CCDC12: variants seen among roughly 807,000 people sequenced by gnomAD.
The protein encoded by CCDC12 is coiled-coil domain containing 12.
In CCDC12, 28 loss-of-function variants were observed where a neutral mutation model predicts 25.7. The ratio of observed to expected loss-of-function variants is 1.09; its 90% CI spans 0.81 to 1.50. The LOEUF (loss-of-function observed/expected upper bound fraction) is 1.50, where lower values mean the gene tolerates loss of function less well. Among genes scored for constraint, CCDC12 ranks in the 40% most tolerant of loss-of-function variants. The pLI, the probability that CCDC12 is intolerant of heterozygous loss-of-function variation, is 0.00. For synonymous variants in CCDC12, 75 were observed against 87.7 expected, an observed-to-expected ratio of 0.86 and a Z score of 0.81; for missense variants, 198 against 210.0, an observed-to-expected ratio of 0.94 and a Z score of 0.35.
At chr3:46,928,248 A>T (rs779349761) in intron 2 of CCDC12, among the ~76,000 whole-genome samples, 1 of 152,168 alleles carries the variant, frequency 6.6e-6, no homozygotes, top group Non-Finnish European at 1.5e-5. Context: ...CTCAAAAAAA[A>T]AAAATGTATA....
At chr3:46,923,081 C>G (rs2032756789) in intron 5 of CCDC12, 1 of 381,604 alleles carries the variant, frequency 2.6e-6, no homozygotes, top group African/African-American at 2.1e-5. Context: ...GGGCTCTCAA[C>G]CTCTCAGGAG....
At chr3:46,930,042 A>AG (rs2107114041) in intron 2 of CCDC12, among the ~76,000 whole-genome samples, 1 of 150,368 alleles carries the variant, frequency 6.7e-6, no homozygotes, top group African/African-American at 2.4e-5. Context: ...AAAAAAAAAA[A>AG]AAAAAAAAAA....
At chr3:46,968,548 T>C (rs989388222) in intron 1 of CCDC12, among the ~76,000 whole-genome samples, 5 of 152,234 alleles carry the variant, frequency 3.3e-5, no homozygotes, top group African/African-American at 1.2e-4. Context: ...TCAGAAGCTG[T>C]ATCTCGATTT....
chr3:46,952,316 G>A (rs1416561064), intron 1 of CCDC12, among the ~76,000 whole-genome samples: 2 of 152,154 alleles, frequency 1.3e-5, no homozygotes, highest in East Asian at 1.9e-4. Flanking sequence ...TAGCCTTGTT[G>A]CACAGATGCA....
intron 2 of CCDC12, among the ~76,000 whole-genome samples, chr3:46,934,796 C>T (rs2033377834): frequency 6.6e-6 from 1 of 152,252 alleles, no homozygotes; most frequent in Non-Finnish European, 1.5e-5. Context: ...GAGATCTCCA[C>T]TGCCCATGAC....
At chr3:46,955,905 C>T (rs2107170854) in intron 1 of CCDC12, among the ~76,000 whole-genome samples, 2 of 152,364 alleles carry the variant, frequency 1.3e-5, no homozygotes, top group South Asian at 4.1e-4. Flanking sequence ...ACACTTCACT[C>T]TTGTGCACAC....
intron 1 of CCDC12, among the ~76,000 whole-genome samples, chr3:46,950,327 T>C (rs764714087): frequency 2.6e-5 from 4 of 151,934 alleles, no homozygotes; most frequent in Admixed American, 6.6e-5. Flanking sequence ...TTTTTTGAGA[T>C]AGGGTCTCGC....
intron 1 of CCDC12, 39 bp downstream of exon 1, chr3:46,976,598 T>C: frequency 6.3e-7 from 1 of 1,589,816 alleles, no homozygotes; most frequent in Non-Finnish European, 8.6e-7. Context: ...CCCCGAACGC[T>C]GGACGCCTCA....
At chr3:46,979,331 CATG>C (rs1478977711), upstream of CCDC12, 1 of 152,384 alleles carries the variant, frequency 6.6e-6, no homozygotes, top group Non-Finnish European at 1.5e-5. Flanking sequence ...AAGGGGTCGT[CATG>C]GTGGTGGTGG....
At chr3:46,924,434 G>C (rs745832098) in intron 3 of CCDC12, among the ~76,000 whole-genome samples, 13 of 152,224 alleles carry the variant, frequency 8.5e-5, no homozygotes, top group Non-Finnish European at 1.9e-4. Context: ...GGAAGTGTCT[G>C]GATTTCAGGG....
At chr3:46,931,587 C>G (rs963422343) in intron 2 of CCDC12, among the ~76,000 whole-genome samples, 1 of 107,386 alleles carries the variant, frequency 9.3e-6, no homozygotes, top group African/African-American at 3.0e-5. Flanking sequence ...GGCTACTCCA[C>G]ATTCACCTGC....
chr3:46,928,609 C>T (rs929070056), intron 2 of CCDC12, among the ~76,000 whole-genome samples: 1 of 152,164 alleles, frequency 6.6e-6, no homozygotes, highest in African/African-American at 2.4e-5. Context: ...CTATGGAAAC[C>T]ATAAGACCAT....
chr3:46,981,162 T>C (rs886340405), upstream of CCDC12, among the ~76,000 whole-genome samples: 7 of 152,052 alleles, frequency 4.6e-5, no homozygotes, highest in Non-Finnish European at 1.0e-4. Context: ...GACACAGCCC[T>C]GGCCGGGCAC....
At chr3:46,960,460 C>A (rs567882056) in intron 1 of CCDC12, among the ~76,000 whole-genome samples, 18 of 152,268 alleles carry the variant, frequency 1.2e-4, no homozygotes, top group Non-Finnish European at 2.5e-4. Flanking sequence ...TGGTGCCCTG[C>A]CCTGAAAACA....
intron 2 of CCDC12, among the ~76,000 whole-genome samples, chr3:46,926,276 C>G (rs1052761352): frequency 2.0e-5 from 3 of 152,168 alleles, no homozygotes; most frequent in Non-Finnish European, 2.9e-5. Context: ...GCACAAAGCA[C>G]ACGAGAGGCT....
At chr3:46,959,740 A>C (rs1160351085) in intron 1 of CCDC12, among the ~76,000 whole-genome samples, 1 of 152,080 alleles carries the variant, frequency 6.6e-6, no homozygotes, top group African/African-American at 2.4e-5. Flanking sequence ...CCTTCCACAG[A>C]TCATCTTCCC....
At chr3:46,931,833 AC>A (rs2033230716) in intron 2 of CCDC12, among the ~76,000 whole-genome samples, 1 of 152,234 alleles carries the variant, frequency 6.6e-6, no homozygotes, top group Non-Finnish European at 1.5e-5. Flanking sequence ...GACCAGAGAG[AC>A]TGGCAACTTT....
intron 1 of CCDC12, among the ~76,000 whole-genome samples, chr3:46,942,650 G>C (rs577103970): frequency 2.0e-5 from 3 of 152,306 alleles, no homozygotes; most frequent in South Asian, 2.1e-4. Flanking sequence ...CAGGTCGGAG[G>C]CCTGGCCCAG....
chr3:46,934,768 G>A (rs1331956654), intron 2 of CCDC12, among the ~76,000 whole-genome samples: 1 of 151,792 alleles, frequency 6.6e-6, no homozygotes, highest in Non-Finnish European at 1.5e-5. Flanking sequence ...GTGGGTCCCT[G>A]TGCTGCTGCT....
Sources: gnomAD v4.1 joint callset for allele counts (sites outside exome capture counted in the v4.1 genomes callset) on GRCh38, gnomAD v4.1.1 for gene constraint, MANE v1.5 for transcripts, NCBI Gene and HGNC (gene_info 2026-07-23, HGNC 2026-07-21) for gene names.